The following UNC5D variants were observed in gnomAD, a reference collection of about 807,000 sequenced individuals.
UNC5D encodes unc-5 netrin receptor D, also known as netrin receptor UNC5D.
Under a neutral mutation model 105.4 loss-of-function variants are expected in UNC5D, and 39 were observed. The ratio of observed to expected loss-of-function variants is 0.37; its 90% confidence interval spans 0.29 to 0.48. The LOEUF (loss-of-function observed/expected upper bound fraction) is 0.48, where lower values mean the gene tolerates loss of function less well. Among genes scored for constraint, UNC5D ranks in the 20% least tolerant of loss-of-function variants. The pLI, the probability that UNC5D is intolerant of heterozygous loss-of-function variation, is 0.98. For missense variants in UNC5D, 991 were observed against 1,202.4 expected, an observed-to-expected ratio of 0.82 and a Z score of 2.60; for synonymous variants, 452 against 450.4, an observed-to-expected ratio of 1.00 and a Z score of -0.04.
chr8:35,477,909 A>C (rs576423385), intron 1 of UNC5D, among the ~76,000 whole-genome samples: 1 of 152,290 alleles, frequency 6.6e-6, no homozygotes, highest in South Asian at 2.1e-4. Flanking sequence ...TTAAATAGGA[A>C]GATAATCTTT....
chr8:35,436,820 AC>A (rs1396179832), intron 1 of UNC5D, among the ~76,000 whole-genome samples: 1 of 152,136 alleles, frequency 6.6e-6, no homozygotes, highest in African/African-American at 2.4e-5. Flanking sequence ...CAAATGACAG[AC>A]ATACATACAC....
At chr8:35,571,997 C>G (rs1412035852) in intron 3 of UNC5D, among the ~76,000 whole-genome samples, 2 of 152,132 alleles carry the variant, frequency 1.3e-5, no homozygotes, top group Non-Finnish European at 2.9e-5. Flanking sequence ...AATTTTAAAA[C>G]TGCCATGGGC....
chr8:35,338,751 C>T (rs537521187), intron 1 of UNC5D, among the ~76,000 whole-genome samples: 33 of 152,274 alleles, frequency 2.2e-4, no homozygotes, highest in Non-Finnish European at 3.2e-4. Context: ...TTCTTCCTCG[C>T]CTTCTGCCTT....
chr8:35,339,693 T>G (rs1811317794), intron 1 of UNC5D, among the ~76,000 whole-genome samples: 1 of 152,176 alleles, frequency 6.6e-6, no homozygotes, highest in Non-Finnish European at 1.5e-5. Context: ...GAATCCAGGT[T>G]CCAATGCTCA....
intron 14 of UNC5D, among the ~76,000 whole-genome samples, chr8:35,763,218 T>G (rs1043034599): frequency 6.6e-6 from 1 of 152,202 alleles, no homozygotes; most frequent in Non-Finnish European, 1.5e-5. Flanking sequence ...TGTCTTAAAA[T>G]CAGATTTTTT....
At chr8:35,761,090 A>G (rs1328464654) in intron 14 of UNC5D, among the ~76,000 whole-genome samples, 1 of 152,080 alleles carries the variant, frequency 6.6e-6, no homozygotes, top group African/African-American at 2.4e-5. Flanking sequence ...CATAGAGAGA[A>G]GTTTTCTATG....
intron 1 of UNC5D, among the ~76,000 whole-genome samples, chr8:35,301,801 G>T (rs945702618): frequency 6.6e-6 from 1 of 152,078 alleles, no homozygotes; most frequent in Non-Finnish European, 1.5e-5. Context: ...TAGAAGAATG[G>T]GGAGAGGGAA....
At chr8:35,388,795 T>G (rs144178983) in intron 1 of UNC5D, among the ~76,000 whole-genome samples, 9 of 152,364 alleles carry the variant, frequency 5.9e-5, no homozygotes, top group African/African-American at 1.9e-4. Context: ...TTTGGCTTAT[T>G]TGTCTGATTA....
chr8:35,421,502 T>G (rs925285404), intron 1 of UNC5D, among the ~76,000 whole-genome samples: 1 of 152,242 alleles, frequency 6.6e-6, no homozygotes, highest in Non-Finnish European at 1.5e-5. Context: ...AGTACAGTTC[T>G]TGTTTTTAGA....
chr8:35,405,050 T>C (rs1420053494), intron 1 of UNC5D, among the ~76,000 whole-genome samples: 1 of 152,332 alleles, frequency 6.6e-6, no homozygotes, highest in African/African-American at 2.4e-5. Context: ...ATTTAAAAAA[T>C]ATATTTGGAT....
intron 1 of UNC5D, among the ~76,000 whole-genome samples, chr8:35,324,919 A>C (rs1032303882): frequency 6.6e-6 from 1 of 152,130 alleles, no homozygotes; most frequent in Non-Finnish European, 1.5e-5. Flanking sequence ...AAAAGGCGTG[A>C]GGAGAGACTG....
intron 1 of UNC5D, among the ~76,000 whole-genome samples, chr8:35,311,563 AC>A (rs1808886705): frequency 2.0e-5 from 3 of 152,270 alleles, no homozygotes; most frequent in South Asian, 2.1e-4. Flanking sequence ...TGGAGCAAAC[AC>A]CCAGTATATG....
chr8:35,578,745 C>T (rs1351279321), intron 3 of UNC5D, among the ~76,000 whole-genome samples: 6 of 152,112 alleles, frequency 3.9e-5, no homozygotes, highest in East Asian at 1.9e-4. Flanking sequence ...GAGAATAACT[C>T]GTATGTAATT....
chr8:35,318,143 T>A (rs144024701), intron 1 of UNC5D, among the ~76,000 whole-genome samples: 1 of 152,240 alleles, frequency 6.6e-6, no homozygotes, highest in East Asian at 1.9e-4. Flanking sequence ...AGATACTGTA[T>A]CACTTTCCTG....
intron 1 of UNC5D, among the ~76,000 whole-genome samples, chr8:35,257,058 G>A (rs1484040649): frequency 2.7e-5 from 4 of 150,040 alleles, no homozygotes; most frequent in African/African-American, 4.9e-5. Flanking sequence ...TGCAACCTCT[G>A]ATTCCCTGGT....
At chr8:35,408,906 AT>A (rs1188460125) in intron 1 of UNC5D, among the ~76,000 whole-genome samples, 1 of 152,072 alleles carries the variant, frequency 6.6e-6, no homozygotes, top group Non-Finnish European at 1.5e-5. Flanking sequence ...CAGAGTAATT[AT>A]TTTATTTCTC....
At chr8:35,322,147 T>C (rs1809796542) in intron 1 of UNC5D, among the ~76,000 whole-genome samples, 1 of 152,154 alleles carries the variant, frequency 6.6e-6, no homozygotes, top group Non-Finnish European at 1.5e-5. Flanking sequence ...ATTATCATTA[T>C]GTAAGCAGAT....
intron 1 of UNC5D, among the ~76,000 whole-genome samples, chr8:35,323,583 A>G (rs955104859): frequency 6.6e-6 from 1 of 152,068 alleles, no homozygotes; most frequent in African/African-American, 2.4e-5. Flanking sequence ...AAATATTGCT[A>G]CTCCTAATTC....
chr8:35,444,630 T>C (rs1651775235), intron 1 of UNC5D, among the ~76,000 whole-genome samples: 1 of 151,922 alleles, frequency 6.6e-6, no homozygotes, highest in South Asian at 2.1e-4. Flanking sequence ...ATCCTAGCCT[T>C]AGGAAGATCA....
Sources: gnomAD v4.1 joint callset for allele counts (sites outside exome capture counted in the v4.1 genomes callset) on GRCh38, gnomAD v4.1.1 for gene constraint, MANE v1.5 for transcripts, NCBI Gene and HGNC (gene_info 2026-07-23, HGNC 2026-07-21) for gene names.